The following TIAM2 variants were observed in gnomAD, a reference collection of about 807,000 sequenced individuals.
TIAM2 encodes TIAM Rac1 associated GEF 2.
A neutral mutation model predicts 152.9 loss-of-function variants in TIAM2; 80 were observed. The observed-to-expected ratio is 0.52, with a 90% CI of 0.44 to 0.63. TIAM2 has a LOEUF of 0.63. Ranked by LOEUF, TIAM2 falls within the 30% of genes least tolerant of loss-of-function variation. The probability of loss-of-function intolerance (pLI) is 0.00; values close to 1 mark genes in which losing one functional copy is unlikely to be tolerated. For missense variants in TIAM2, 1,965 were observed against 2,120.1 expected, an observed-to-expected ratio of 0.93 and a Z score of 1.44; for synonymous variants, 804 against 838.0, an observed-to-expected ratio of 0.96 and a Z score of 0.70.
At chr6:155,164,786 G>A (rs192153360) in intron 8 of TIAM2, among the ~76,000 whole-genome samples, 186 bp downstream of exon 8, 1 of 152,182 alleles carries the variant, frequency 6.6e-6, no homozygotes, top group East Asian at 1.9e-4. Flanking sequence ...TAGAGCCCCC[G>A]GTTTCTCTAC....
rs768939398 is a variant in TIAM2, at chr6:155,148,170, C to T, written c.1864C>T (p.Leu622Phe). 3 of 1,613,738 alleles carry T rather than the reference C, an allele frequency of 1.9e-6. No individual in the cohort carries two copies. The Admixed American group carries it at 5.0e-5, about 27-fold the overall frequency. Residue 622 changes from leucine to phenylalanine, a missense_variant, in exon 7 of 27, where the codon CTT becomes TTT. Coordinates refer to ENST00000682666, the MANE Select transcript of TIAM2 (RefSeq NM_012454.4). ...TGCTGTACACTCTGCTTGTGCATCC[C>T]TTTTTGCAAAGAAGCATGGGAAAGA... ...VTAVHSACAS[L>F]FAKKHGKEDT...
intron 1 of TIAM2, among the ~76,000 whole-genome samples, chr6:155,003,295 C>T (rs1037162960): frequency 4.6e-5 from 7 of 151,896 alleles, no homozygotes; most frequent in Non-Finnish European, 8.8e-5. Flanking sequence ...TGGAATATAC[C>T]TTTTACCCAT....
rs1243297459 is a variant in TIAM2, at chr6:154,995,819, C to G, written c.-209+327C>G. 2.6e-5 allele frequency among the ~76,000 whole-genome samples: 4 copies of G among 152,200 alleles called. No individual in the cohort carries two copies. Among genetic ancestry groups the G allele is most frequent in the African/African-American group, 9.6e-5 (4 of 41,462 alleles). On this transcript the variant is annotated intron_variant, in intron 1 of 26. Coordinates refer to ENST00000682666, the MANE Select transcript of TIAM2 (RefSeq NM_012454.4). The surrounding 1 kb of genome is among the most constrained non-coding windows in gnomAD (Gnocchi z 5.2). ...CCAGGACCCACTTTCAGCCCCGGTC[C>G]CATCCCGGATGGGAGGAGGCGGCGC... is the stretch of plus-strand genomic sequence containing the variant.
intron 1 of TIAM2, among the ~76,000 whole-genome samples, chr6:155,025,141 C>T (rs1776572922): frequency 6.6e-6 from 1 of 151,662 alleles, no homozygotes; most frequent in African/African-American, 2.4e-5. Context: ...ATTCTTCCGC[C>T]TCAGTCTCCT....
Position 155,137,506 on chromosome 6 carries a change from G to T in TIAM2, c.1524G>T (p.Arg508=), listed in dbSNP as rs1181441056. ...LLFEKEQGVV[R]KAGWLFFKPL... ...TTGAGAAGGAACAGGGGGTGGTCCG[G>T]AAGGCCGGGTGGCTCTTCTTCAAGC... Residue 508 remains arginine, a synonymous_variant, in exon 5 of 27, where the codon CGG becomes CGT. Coordinates refer to ENST00000682666, the MANE Select transcript of TIAM2 (RefSeq NM_012454.4). The T allele has an allele frequency of 1.2e-6, 2 of 1,614,052 alleles. No homozygotes were observed. Among genetic ancestry groups the T allele is most frequent in the Admixed American group, 3.3e-5 (2 of 60,012 alleles).
At chr6:155,116,973 G>A (rs1363065587) in intron 2 of TIAM2, among the ~76,000 whole-genome samples, 2 of 151,764 alleles carry the variant, frequency 1.3e-5, no homozygotes, top group Non-Finnish European at 2.9e-5. Flanking sequence ...ATAGAGGCCA[G>A]GATGTTGGAC....
chr6:155,060,661 C>T (rs1307215706), intron 1 of TIAM2, among the ~76,000 whole-genome samples: 4 of 151,954 alleles, frequency 2.6e-5, no homozygotes, highest in South Asian at 2.1e-4. Context: ...TTTGGGAGGC[C>T]GAGGTGGGTG....
rs1562340946 is a variant in TIAM2 at position 155,172,655 on chromosome 6, TATATATATATATATATATATATATATA to T, written c.2362-4160_2362-4134del. 1.5e-3 allele frequency among the ~76,000 whole-genome samples: 19 copies of T among 12,386 alleles called. 1 individual carries two copies. Among genetic ancestry groups the T allele is most frequent in the Middle Eastern group, 0.028 (1 of 36 alleles). The allele number at this position is 12,386 out of a possible 152,430, so 8.1% of individuals were successfully genotyped here. On this transcript the variant is annotated intron_variant, in intron 9 of 26. Coordinates refer to ENST00000682666, the MANE Select transcript of TIAM2 (RefSeq NM_012454.4). ...GGCTAGTTGGAAATATATATATATA[TATATATATATATATATATATATATATA>T]TATATTTTTTTTTTTTTTTTTTTTT...
Position 155,256,601 on chromosome 6 carries a change from G to T in TIAM2, c.4586G>T (p.Ser1529Ile). 1 of 1,614,168 alleles carries T rather than the reference G, an allele frequency of 6.2e-7. No homozygotes were observed. The highest frequency in any genetic ancestry group is 8.5e-7 in the Non-Finnish European group (1 of 1,180,026). The change falls in exon 27 of 27, where the codon AGC (serine) becomes ATC (isoleucine). Residue 1529 changes from serine to isoleucine, a missense_variant. By Grantham distance (142) the Ser-to-Ile change is moderately radical. Transcript: ENST00000682666. ...GGCAGCTTGAGCAGCGGCACCCAGA[G>T]CAGCGGCTGCCCCACGGCTGAGGGC... ...DEGSLSSGTQ[S>I]SGCPTAEGRQ...
chr6:155,205,763 C>T (rs1172135864), intron 14 of TIAM2, among the ~76,000 whole-genome samples: 5 of 152,112 alleles, frequency 3.3e-5, no homozygotes, highest in Non-Finnish European at 5.9e-5. Context: ...CATTGCTGCC[C>T]GTTTCCAAGA....
intron 2 of TIAM2, among the ~76,000 whole-genome samples, chr6:155,103,673 G>A (rs1250735551): frequency 3.7e-5 from 5 of 134,884 alleles, no homozygotes; most frequent in African/African-American, 5.8e-5. Flanking sequence ...GCGGTGAGCC[G>A]AGATAGCACT....
Position 155,144,660 on chromosome 6 carries a change from G to T in TIAM2, c.1685G>T (p.Ser562Ile). 6.2e-7 allele frequency: 1 copy of T among 1,602,424 alleles called. No individual in the cohort carries two copies. Among genetic ancestry groups the T allele is most frequent in the South Asian group, 1.1e-5 (1 of 88,314 alleles). Residue 562 changes from serine (S) to isoleucine (I), a missense_variant, in exon 6 of 27, where the codon AGT (serine) becomes ATT (isoleucine). Coordinates refer to ENST00000682666, the MANE Select transcript of TIAM2 (RefSeq NM_012454.4). ...TYGKNSMDQSSAPRCALFAED... is the reference protein window; with the variant it reads ...TYGKNSMDQSIAPRCALFAED... Reference sequence around the variant, plus strand: ...GGGAAGAATTCCATGGATCAGAGCAGTGCCCCTCGGTGTGCTCTGTTTGCA... The same window carrying T: ...GGGAAGAATTCCATGGATCAGAGCATTGCCCCTCGGTGTGCTCTGTTTGCA...
At chr6:155,021,085 AT>A (rs1156442900) in intron 1 of TIAM2, among the ~76,000 whole-genome samples, 1 of 152,126 alleles carries the variant, frequency 6.6e-6, no homozygotes, top group Non-Finnish European at 1.5e-5. Context: ...GCGAAATAAT[AT>A]TCCCTTGTCT....
At chr6:155,191,960 A>G (rs764888905) in intron 14 of TIAM2, among the ~76,000 whole-genome samples, 8 of 152,138 alleles carry the variant, frequency 5.3e-5, no homozygotes, top group Non-Finnish European at 7.4e-5. Context: ...GGCAAAAGGG[A>G]TTTTAAATTT....
chr6:155,046,198 G>A (rs1235125958), intron 1 of TIAM2, among the ~76,000 whole-genome samples: 1 of 152,008 alleles, frequency 6.6e-6, no homozygotes, highest in Non-Finnish European at 1.5e-5. Flanking sequence ...GGATTCCCTC[G>A]AACTTTCTGG....
intron 1 of TIAM2, among the ~76,000 whole-genome samples, chr6:155,020,868 G>C (rs1017477517): frequency 1.3e-5 from 2 of 152,030 alleles, no homozygotes; most frequent in African/African-American, 4.8e-5. Context: ...CTGAAATTCT[G>C]TACCCCGTTA....
Position 155,183,220 on chromosome 6 carries a change from TCC to T in TIAM2, c.2801-16_2801-15del. 6.2e-7 allele frequency: 1 copy of T among 1,605,136 alleles called. No homozygotes were observed. The highest frequency in any genetic ancestry group is 1.7e-5 in the Admixed American group (1 of 58,472). On this transcript the variant is annotated splice_polypyrimidine_tract_variant and intron_variant, in intron 13 of 26. Coordinates refer to ENST00000682666, the MANE Select transcript of TIAM2 (RefSeq NM_012454.4). Reference sequence around the variant, plus strand: ...AATCCCTCTCTCTTTTTTCTGTTTCTCCTTCCTTTTTCTCAGGGCTGAGAAAG... The same window carrying T: ...AATCCCTCTCTCTTTTTTCTGTTTCTTTCCTTTTTCTCAGGGCTGAGAAAG...
intron 1 of TIAM2, among the ~76,000 whole-genome samples, chr6:155,005,806 C>T (rs553216263): frequency 4.1e-4 from 63 of 151,908 alleles, no homozygotes; most frequent in African/African-American, 1.3e-3. Flanking sequence ...CCTGCCACCA[C>T]GCCCAGCTAA....
Position 154,995,775 on chromosome 6 carries a change from C to T in TIAM2, c.-209+283C>T, listed in dbSNP as rs1407003684. On this transcript the variant is annotated intron_variant, in intron 1 of 26. Transcript: ENST00000682666. This position sits in a 1 kb window ranked among gnomAD's most constrained non-coding sequence, Gnocchi z 5.2. ...GCTCTGAAACTAGGTCCCCTGGTCCCCTCGCGCTGCGCGACACGCCAGGAC... is the reference window on the plus strand; with the variant it reads ...GCTCTGAAACTAGGTCCCCTGGTCCTCTCGCGCTGCGCGACACGCCAGGAC... Among the ~76,000 whole-genome samples the T allele has an allele frequency of 2.0e-5, 3 of 152,194 alleles. No individual in the cohort carries two copies. The highest frequency in any genetic ancestry group is 4.4e-5 in the Non-Finnish European group (3 of 68,020).
Sources: allele counts gnomAD v4.1 joint callset (sites outside exome capture counted in the v4.1 genomes callset), GRCh38; gene constraint gnomAD v4.1.1; non-coding constraint Gnocchi (gnomAD v3.1); transcripts MANE v1.5; gene names NCBI Gene and HGNC (gene_info 2026-07-23, HGNC 2026-07-21).